MGST1: variants seen among roughly 807,000 people sequenced by gnomAD.
MGST1 encodes the protein microsomal glutathione S-transferase 1.
A neutral mutation model predicts 8.9 loss-of-function variants in MGST1; 5 were observed. The observed-to-expected ratio is 0.56, with a 90% CI of 0.29 to 1.19. The LOEUF is 1.19. Ranked by LOEUF, MGST1 falls within the 50% of genes most tolerant of loss-of-function variation. The pLI, the probability that MGST1 is intolerant of heterozygous loss-of-function variation, is 0.08. For synonymous variants in MGST1, 54 were observed against 67.8 expected (o/e 0.80, Z 1.00); for missense variants, 182 against 187.4 (o/e 0.97, Z 0.17).
intron 4 of MGST1, among the ~76,000 whole-genome samples, chr12:16,465,499 C>A (rs1941247491): frequency 1.3e-5 from 2 of 151,784 alleles, no homozygotes; most frequent in Non-Finnish European, 2.9e-5. Flanking sequence ...TGAGCTCCGC[C>A]TCCTGTCAGA....
intron 4 of MGST1, among the ~76,000 whole-genome samples, chr12:16,532,379 G>A (rs1161258855): frequency 6.6e-6 from 1 of 152,120 alleles, no homozygotes; most frequent in South Asian, 2.1e-4. Flanking sequence ...TAAAATGGTT[G>A]CTGGGAGTTA....
intron 3 of MGST1, among the ~76,000 whole-genome samples, chr12:16,374,693 T>A (rs1289445120): frequency 6.6e-6 from 1 of 152,104 alleles, no homozygotes; most frequent in Non-Finnish European, 1.5e-5. Context: ...ATGCAAATAA[T>A]TCAAATATTC....
chr12:16,580,935 A>C (rs1943139984), intron 4 of MGST1, among the ~76,000 whole-genome samples: 1 of 152,220 alleles, frequency 6.6e-6, no homozygotes, highest in Non-Finnish European at 1.5e-5. Flanking sequence ...TGTATTGGAC[A>C]TGCTATATAC....
Position 16,582,376 on chromosome 12 carries a change from A to G in MGST1, n.483-7152A>G, listed in dbSNP as rs1943189281. On this transcript the variant is annotated intron_variant and non_coding_transcript_variant, in intron 4 of 4. Transcript: ENST00000538857. The surrounding 1 kb of genome is among the most constrained non-coding windows in gnomAD (Gnocchi z 4.1). The stretch of plus-strand genomic sequence containing the variant: ...TTTAGACAGTGACAGACTATTTGCT[A>G]ATATCTTTCAAGTTTTTGTATCTGT... 6.6e-6 allele frequency among the ~76,000 whole-genome samples: 1 copy of G among 152,230 alleles called. No individual in the cohort carries two copies. The highest frequency in any genetic ancestry group is 6.5e-5 in the Admixed American group (1 of 15,284).
At chr12:16,375,603 G>A (rs1030103926) in intron 3 of MGST1, among the ~76,000 whole-genome samples, 2 of 151,910 alleles carry the variant, frequency 1.3e-5, no homozygotes, top group African/African-American at 2.4e-5. Flanking sequence ...AGTGTGGCAT[G>A]AAACAAATGA....
intron 4 of MGST1, among the ~76,000 whole-genome samples, chr12:16,526,881 T>C (rs1359699277): frequency 6.6e-6 from 1 of 151,968 alleles, no homozygotes; most frequent in Non-Finnish European, 1.5e-5. Context: ...GGTGTATCAT[T>C]ATAAAATCAT....
chr12:16,558,736 T>C (rs780038767), intron 4 of MGST1, among the ~76,000 whole-genome samples: 10 of 152,132 alleles, frequency 6.6e-5, no homozygotes, highest in Non-Finnish European at 5.9e-5. Context: ...AATATCTACA[T>C]TTAGCAAGAA....
rs1230911155 is a variant in MGST1 at position 16,546,137 on chromosome 12, C to T, written n.483-43391C>T. Among the ~76,000 whole-genome samples, 1 of 152,024 alleles carries T rather than the reference C, an allele frequency of 6.6e-6. No homozygotes were observed. The highest frequency in any genetic ancestry group is 2.1e-4 in the South Asian group (1 of 4,830). On this transcript the variant is annotated intron_variant and non_coding_transcript_variant, in intron 4 of 4. Transcript: ENST00000538857. The surrounding 1 kb of genome is among the most constrained non-coding windows in gnomAD (Gnocchi z 4.7). ...ATGGCAATTGTTTGGTAAATATTCGCTATTATTACTAAAAGTTATTGAAGA... is the reference window on the plus strand; with the variant it reads ...ATGGCAATTGTTTGGTAAATATTCGTTATTATTACTAAAAGTTATTGAAGA...
rs184178877 is a variant in MGST1, at chr12:16,544,498, T to A, written n.483-45030T>A. Among the ~76,000 whole-genome samples, 1 of 152,044 alleles carries A rather than the reference T, an allele frequency of 6.6e-6. No individual in the cohort carries two copies. Among genetic ancestry groups the A allele is most frequent in the Non-Finnish European group, 1.5e-5 (1 of 67,942 alleles). On this transcript the variant is annotated intron_variant and non_coding_transcript_variant, in intron 4 of 4. Transcript: ENST00000538857. The surrounding 1 kb of genome is among the most constrained non-coding windows in gnomAD (Gnocchi z 4.8). ...TATTTTCTAAGTAGATAAGATTAAA[T>A]GTAAATGTAGAGAATTAAGTCAAAC...
intron 4 of MGST1, among the ~76,000 whole-genome samples, chr12:16,461,264 A>G (rs547683452): frequency 6.6e-6 from 1 of 152,082 alleles, no homozygotes; most frequent in East Asian, 1.9e-4. Flanking sequence ...AAAGATGCAA[A>G]TTATTATTAA....
chr12:16,349,683 C>T (rs537238560), intron 1 of MGST1, among the ~76,000 whole-genome samples: 9 of 151,790 alleles, frequency 5.9e-5, no homozygotes, highest in Admixed American at 1.3e-4. Flanking sequence ...CCTAGAACAG[C>T]GCCAAAGTCG....
At chr12:16,382,699 A>G (rs916051662), upstream of MGST1, 5 of 153,244 alleles carry the variant, frequency 3.3e-5, no homozygotes, top group African/African-American at 7.2e-5. Flanking sequence ...TGCAGAGGTT[A>G]CTGCGGTCTT....
chr12:16,545,879 A>G (rs1319600504), intron 4 of MGST1, among the ~76,000 whole-genome samples: 1 of 150,788 alleles, frequency 6.6e-6, no homozygotes. Flanking sequence ...GTTCTTGGCT[A>G]TTCCCAGGAG....
chr12:16,511,316 A>C (rs1166832551), intron 4 of MGST1, among the ~76,000 whole-genome samples: 2 of 152,220 alleles, frequency 1.3e-5, no homozygotes, highest in African/African-American at 4.8e-5. Context: ...GCTAATGCCC[A>C]TGACTTTGGC....
intron 1 of MGST1, among the ~76,000 whole-genome samples, chr12:16,388,864 C>A (rs543062873): frequency 5.3e-5 from 8 of 152,180 alleles, no homozygotes; most frequent in Non-Finnish European, 7.4e-5. Context: ...AGGAGCTGTA[C>A]TCTGTCCTTC....
rs1943335432 is a variant in MGST1 at position 16,586,737 on chromosome 12, C to G, written n.483-2791C>G. Among the ~76,000 whole-genome samples, 1 of 152,152 alleles carries G rather than the reference C, an allele frequency of 6.6e-6. No individual in the cohort carries two copies. The highest frequency in any genetic ancestry group is 2.1e-4 in the South Asian group (1 of 4,820). On this transcript the variant is annotated intron_variant and non_coding_transcript_variant, in intron 4 of 4. Coordinates refer to the MGST1 transcript ENST00000538857. This position sits in a 1 kb window ranked among gnomAD's most constrained non-coding sequence, Gnocchi z 4.3. ...GTAGATGATGTTTTTTTCCATTTCT[C>G]TGGTACTTGAGCTAAGCTCCTGTGG...
At chr12:16,568,616 T>C (rs951847747) in intron 4 of MGST1, among the ~76,000 whole-genome samples, 1 of 152,248 alleles carries the variant, frequency 6.6e-6, no homozygotes, top group African/African-American at 2.4e-5. Flanking sequence ...ATTTCATGAA[T>C]AATTTTTGAA....
At chr12:16,450,484 A>G (rs1357831605) in intron 4 of MGST1, among the ~76,000 whole-genome samples, 1 of 151,962 alleles carries the variant, frequency 6.6e-6, no homozygotes, top group Non-Finnish European at 1.5e-5. Context: ...AAATCACTCA[A>G]GAGCAGAGCC....
At chr12:16,526,516 A>T in intron 4 of MGST1, among the ~76,000 whole-genome samples, 2 of 151,938 alleles carry the variant, frequency 1.3e-5, no homozygotes, top group East Asian at 3.9e-4. Flanking sequence ...TATTGTTAAG[A>T]TTTTTTTCCT....
Sources: gnomAD v4.1 joint callset for allele counts (sites outside exome capture counted in the v4.1 genomes callset) on GRCh38, gnomAD v4.1.1 for gene constraint, Gnocchi (gnomAD v3.1) non-coding constraint, MANE v1.5 for transcripts, NCBI Gene and HGNC (gene_info 2026-07-23, HGNC 2026-07-21) for gene names.